Variants in TMEM176B observed in about 807,000 individuals in gnomAD.
TMEM176B encodes transmembrane protein 176B, also known as LR8-like protein.
TMEM176B carries 28 observed loss-of-function variants against 30.3 expected under a neutral mutation model. The ratio of observed to expected loss-of-function variants is 0.92; its 90% confidence interval spans 0.68 to 1.27. The LOEUF is 1.27. Ranked by LOEUF, TMEM176B falls within the 50% of genes most tolerant of loss-of-function variation. The pLI is 0.00. For synonymous variants in TMEM176B, 123 were observed against 130.3 expected, an observed-to-expected ratio of 0.94 and a Z score of 0.38; for missense variants, 349 against 327.4, an observed-to-expected ratio of 1.07 and a Z score of -0.51.
At chr7:150,798,608 T>C (rs903265383) in intron 1 of TMEM176B, among the ~76,000 whole-genome samples, 4 of 151,958 alleles carry the variant, frequency 2.6e-5, no homozygotes, top group African/African-American at 9.7e-5. Context: ...GATGGGGTGT[T>C]GCTTTGTTGC....
In TMEM176B at chr7:150,796,563, G is replaced by A; in HGVS notation, c.7C>T (p.Gln3Ter). Residue 3 changes from glutamine (Q) to a stop codon, truncating the protein, a stop_gained, in exon 2 of 7, where the codon CAA becomes TAA. Coordinates refer to ENST00000326442, the MANE Select transcript of TMEM176B (RefSeq NM_001101312.2). LOFTEE classifies it high-confidence loss of function. The stretch of plus-strand genomic sequence containing the variant: ...ACTCCATTCACAATCACCGTGTTTT[G>A]CGTCATCCTGCCTGCCAGGGAGAAG... MT[Q>*]NTVIVNGVAM... The A allele has an allele frequency of 6.2e-7, 1 of 1,613,826 alleles. No homozygotes were observed. The highest frequency in any genetic ancestry group is 2.2e-5 in the East Asian group (1 of 44,894).
At chr7:150,792,234 T>C (rs1798344063) in intron 5 of TMEM176B, 59 bp from the exon 6 acceptor site, 1 of 1,596,660 alleles carries the variant, frequency 6.3e-7, no homozygotes, top group African/African-American at 1.3e-5. Flanking sequence ...GCTGCCCACA[T>C]CACCACCCTC....
rs112760149 is a variant in TMEM176B at position 150,794,871 on chromosome 7, A to G, written c.205-800T>C. Among the ~76,000 whole-genome samples the G allele has an allele frequency of 8.0e-3, 1,203 of 150,630 alleles. 23 individuals carry two copies. The highest frequency in any genetic ancestry group is 0.028 in the African/African-American group (1,125 of 40,882). The stretch of plus-strand genomic sequence containing the variant: ...ACTGTCACCACCTCCACATCCTACC[A>G]GCATCTCGGATTTGTCACATCCAAA... On this transcript the variant is annotated intron_variant, in intron 2 of 6. Transcript: ENST00000326442.
intron 5 of TMEM176B, among the ~76,000 whole-genome samples, chr7:150,792,537 T>C (rs1221281777): frequency 1.3e-5 from 2 of 152,190 alleles, no homozygotes; most frequent in Non-Finnish European, 2.9e-5. Flanking sequence ...GGAATCCAGT[T>C]TCTGTGCTAT....
chr7:150,799,030 A>G (rs1359137168), intron 1 of TMEM176B, among the ~76,000 whole-genome samples: 1 of 152,138 alleles, frequency 6.6e-6, no homozygotes, highest in Non-Finnish European at 1.5e-5. Flanking sequence ...TTATAAAATA[A>G]TCTTCCACAT....
chr7:150,800,943 AG>A, upstream of TMEM176B: 3 of 985,814 alleles, frequency 3.0e-6, no homozygotes, highest in Non-Finnish European at 3.6e-6. Flanking sequence ...ATGACACTCC[AG>A]GAAGGGGACT....
At chr7:150,801,284 G>C (rs913969576), upstream of TMEM176B, 3 of 396,000 alleles carry the variant, frequency 7.6e-6, no homozygotes, top group Non-Finnish European at 1.3e-5. Flanking sequence ...AGGAGGATGA[G>C]GGGGACAGAG....
At position 150,791,629 on chromosome 7, in the gene TMEM176B, A is replaced by AAAAAAAG; in HGVS notation, c.721-13_721-7dup. On this transcript the variant is annotated splice_polypyrimidine_tract_variant and splice_region_variant and intron_variant, in intron 6 of 6. Transcript: ENST00000326442. Reference sequence around the variant, plus strand: ...TTCTCTGATCCTTCCTCATTCTGGAAAAAAAAGAAAAAAGAAATCCTTAGG... The same window carrying AAAAAAAG: ...TTCTCTGATCCTTCCTCATTCTGGAAAAAAAAGAAAAAAGAAAAAAGAAATCCTTAGG... The AAAAAAAG allele has an allele frequency of 6.2e-7, 1 of 1,612,540 alleles. No individual in the cohort carries two copies. The highest frequency in any genetic ancestry group is 2.2e-5 in the East Asian group (1 of 44,870).
In TMEM176B at chr7:150,791,364, T is replaced by C. The variant is rs1798294443; in HGVS notation, c.*167A>G. ...TGGAAAATGCAACAATATCTGTTCA[T>C]GGACTTGAGAACCCCAGAGTGGGAA... On this transcript the variant is annotated 3_prime_UTR_variant, in exon 7 of 7. Coordinates refer to ENST00000326442, the MANE Select transcript of TMEM176B (RefSeq NM_001101312.2). 3.5e-6 allele frequency: 2 copies of C among 566,320 alleles called. No individual in the cohort carries two copies. Among genetic ancestry groups the C allele is most frequent in the Non-Finnish European group, 3.1e-6 (1 of 317,816 alleles). The allele number at this position is 566,320 out of a possible 1,614,324, so 35.1% of individuals were successfully genotyped here.
intron 1 of TMEM176B, among the ~76,000 whole-genome samples, chr7:150,798,782 T>G (rs986700321): frequency 6.6e-6 from 1 of 152,198 alleles, no homozygotes; most frequent in Non-Finnish European, 1.5e-5. Context: ...TTTCTTCTTT[T>G]GTGAGCTCTC....
intron 1 of TMEM176B, among the ~76,000 whole-genome samples, chr7:150,798,120 A>G (rs1317216233): frequency 2.6e-5 from 4 of 152,216 alleles, no homozygotes; most frequent in Non-Finnish European, 5.9e-5. Context: ...TACAGCTACA[A>G]TCAAGATAAA....
intron 5 of TMEM176B, 43 bp from the exon 6 acceptor site, chr7:150,792,218 T>C: frequency 1.2e-6 from 2 of 1,606,572 alleles, no homozygotes; most frequent in South Asian, 1.1e-5. Flanking sequence ...TGTCAGCTAC[T>C]CCAATGCTGC....
rs1391127073 is a variant in TMEM176B at position 150,800,362 on chromosome 7, G to A, written c.-70C>T. The A allele has an allele frequency of 1.3e-5, 2 of 152,220 alleles. No individual in the cohort carries two copies. The highest frequency in any genetic ancestry group is 2.4e-5 in the African/African-American group (1 of 41,440). 9.4% of individuals were successfully genotyped at this position (152,220 alleles called of 1,614,324 possible). On this transcript the variant is annotated 5_prime_UTR_variant, in exon 1 of 7. Transcript: ENST00000326442. ...ACTAGCTGACCCCGAGCAGGGGAGC[G>A]ACGGGAGGGCGGAGACGGCAGATGC... is the stretch of plus-strand genomic sequence containing the variant.
At chr7:150,799,002 G>C (rs1798647048) in intron 1 of TMEM176B, among the ~76,000 whole-genome samples, 1 of 152,000 alleles carries the variant, frequency 6.6e-6, no homozygotes, top group Non-Finnish European at 1.5e-5. Flanking sequence ...ACTTTTAAAG[G>C]ACTTCCCCGT....
At chr7:150,791,837 A>G (rs62490420) in intron 6 of TMEM176B, among the ~76,000 whole-genome samples, 24,279 of 151,534 alleles carry the variant, frequency 0.16, 1,989 homozygotes, top group African/African-American at 0.18. Context: ...ATCAGAGCAG[A>G]GGAGGGCGCA....
chr7:150,795,631 T>C (rs1798494374), intron 2 of TMEM176B, among the ~76,000 whole-genome samples: 1 of 152,186 alleles, frequency 6.6e-6, no homozygotes, highest in South Asian at 2.1e-4. Flanking sequence ...AGGCTTTCAG[T>C]CCATGTGGGG....
At chr7:150,796,333 G>T in intron 2 of TMEM176B, 33 bp downstream of exon 2, 1 of 1,593,134 alleles carries the variant, frequency 6.3e-7, no homozygotes, top group Non-Finnish European at 8.6e-7. Context: ...CCTCGTTAAC[G>T]TGCCCCCCAA....
chr7:150,794,648 G>A (rs1374703007), intron 2 of TMEM176B, among the ~76,000 whole-genome samples: 1 of 151,646 alleles, frequency 6.6e-6, no homozygotes, highest in African/African-American at 2.4e-5. Context: ...TCTCCACCCA[G>A]TGTGGAACTC....
At chr7:150,792,580 C>T (rs779815137) in intron 5 of TMEM176B, among the ~76,000 whole-genome samples, 44 of 152,138 alleles carry the variant, frequency 2.9e-4, no homozygotes, top group Non-Finnish European at 4.7e-4. Context: ...AAGCCATTGC[C>T]GGCTCTTGCT....
Sources: allele counts gnomAD v4.1 joint callset (sites outside exome capture counted in the v4.1 genomes callset), GRCh38; gene constraint gnomAD v4.1.1; transcripts MANE v1.5; gene names NCBI Gene and HGNC (gene_info 2026-07-23, HGNC 2026-07-21).